The following HDHD5 variants were observed in gnomAD, a reference collection of about 807,000 sequenced individuals.
HDHD5 encodes the protein haloacid dehalogenase-like hydrolase domain-containing 5.
A neutral mutation model predicts 35.5 loss-of-function variants in HDHD5; 34 were observed. The observed-to-expected ratio is 0.96, with a 90% CI of 0.73 to 1.28. The LOEUF (loss-of-function observed/expected upper bound fraction) is 1.28. HDHD5 is among the 50% of genes most tolerant of loss of function. The probability of loss-of-function intolerance (pLI) is 0.00; values close to 1 mark genes in which losing one functional copy is unlikely to be tolerated. For missense variants in HDHD5, 589 were observed against 560.2 expected, an observed-to-expected ratio of 1.05 and a Z score of -0.52; for synonymous variants, 248 against 240.6, an observed-to-expected ratio of 1.03 and a Z score of -0.29.
At chr22:17,157,105 CACACACACAA>C (rs2061804916) in intron 1 of HDHD5, among the ~76,000 whole-genome samples, 1 of 151,192 alleles carries the variant, frequency 6.6e-6, no homozygotes, top group Non-Finnish European at 1.5e-5. Flanking sequence ...CACACACACA[CACACACACAA>C]AAGAAAAAAG....
chr22:17,138,358 C>G lies in HDHD5; in HGVS notation c.936-1G>C, dbSNP rs1407280072. 6.2e-7 allele frequency: 1 copy of G among 1,602,722 alleles called. No homozygotes were observed. Among genetic ancestry groups the G allele is most frequent in the Admixed American group, 1.7e-5 (1 of 58,054 alleles). On this transcript the variant is annotated splice_acceptor_variant, in intron 7 of 7. Coordinates refer to ENST00000336737, the MANE Select transcript of HDHD5 (RefSeq NM_033070.3). LOFTEE classifies it high-confidence loss of function. ...GTATACGTCAGACATAGGGTTATCACTGGCAGGGGCAGCCACACCGGAAAA... is the reference window on the plus strand; with the variant it reads ...GTATACGTCAGACATAGGGTTATCAGTGGCAGGGGCAGCCACACCGGAAAA...
chr22:17,157,395 A>G (rs2061810654), intron 1 of HDHD5, among the ~76,000 whole-genome samples: 1 of 151,512 alleles, frequency 6.6e-6, no homozygotes, highest in South Asian at 2.1e-4. Flanking sequence ...CCTCCCGAGT[A>G]GCTGGGATTA....
intron 5 of HDHD5, chr22:17,142,280 T>G (rs1255896704): frequency 1.3e-5 from 2 of 152,208 alleles, no homozygotes; most frequent in Non-Finnish European, 2.9e-5. Context: ...CCACCTGATA[T>G]CCTGGTATCC....
rs549511832 is a variant in HDHD5, at chr22:17,146,220, G to A, written c.444-1103C>T. On this transcript the variant is annotated intron_variant, in intron 3 of 7. Transcript: ENST00000336737. Reference sequence around the variant, plus strand: ...CTGCTTAGGAGCTTAGCCATCTCCTGGGGCTCCGCTGTACCCCTCCAAGAA... The same window carrying A: ...CTGCTTAGGAGCTTAGCCATCTCCTAGGGCTCCGCTGTACCCCTCCAAGAA... Among the ~76,000 whole-genome samples, 4 of 152,128 alleles carry A rather than the reference G, an allele frequency of 2.6e-5. No individual in the cohort carries two copies. In the East Asian group the frequency reaches 7.7e-4, roughly 29 times the overall value.
At position 17,158,899 on chromosome 22, in the gene HDHD5, G is replaced by A. The variant is rs1050465721; in HGVS notation, c.126+227C>T. The A allele has an allele frequency of 9.3e-6, 3 of 323,450 alleles. No individual in the cohort carries two copies. The East Asian group carries it at 1.5e-4, about 17-fold the overall frequency. The allele number at this position is 323,450 out of a possible 1,614,324, so 20.0% of individuals were successfully genotyped here. ...AGCAGCCTGGCCCAGGCCGTCCCACGAGCGCTCTCCCGCGGGAGTAGCGTT... is the reference window on the plus strand; with the variant it reads ...AGCAGCCTGGCCCAGGCCGTCCCACAAGCGCTCTCCCGCGGGAGTAGCGTT... On this transcript the variant is annotated intron_variant, in intron 1 of 7. Transcript: ENST00000336737.
Position 17,138,131 on chromosome 22 carries a change from G to T in HDHD5, c.1162C>A (p.His388Asn). ...LGGGEPPFHGHRDLCFSPGLM... is the reference protein window; with the variant it reads ...LGGGEPPFHGNRDLCFSPGLM... ...CCTGGACTGAAGCATAAGTCTCGGT[G>T]CCCGTGGAATGGAGGCTCCCCTCCT... The change falls in exon 8 of 8, where the codon CAC becomes AAC. Residue 388 changes from histidine to asparagine, a missense_variant. Coordinates refer to ENST00000336737, the MANE Select transcript of HDHD5 (RefSeq NM_033070.3). 2 of 1,614,168 alleles carry T rather than the reference G, an allele frequency of 1.2e-6. No homozygotes were observed. Among genetic ancestry groups the T allele is most frequent in the Non-Finnish European group, 1.7e-6 (2 of 1,180,026 alleles).
chr22:17,149,775 C>A, intron 1 of HDHD5, 30 bp from the exon 2 acceptor site: 1 of 1,595,464 alleles, frequency 6.3e-7, no homozygotes, highest in Non-Finnish European at 8.6e-7. Context: ...ATTACCAGTA[C>A]GTGAGTAACA....
At chr22:17,144,346 C>T (rs2061633460) in intron 4 of HDHD5, among the ~76,000 whole-genome samples, 1 of 151,690 alleles carries the variant, frequency 6.6e-6, no homozygotes, top group Non-Finnish European at 1.5e-5. Flanking sequence ...AACGCCTGGG[C>T]TCAAGCAACC....
chr22:17,165,114 C>G (rs1209237895), intron 1 of HDHD5: 1 of 716,090 alleles, frequency 1.4e-6, no homozygotes, highest in Non-Finnish European at 2.6e-6. Context: ...GGAAGGGATA[C>G]ATATTTCCTA....
intron 1 of HDHD5, among the ~76,000 whole-genome samples, chr22:17,150,736 C>T (rs542873102): frequency 1.9e-4 from 29 of 152,128 alleles, no homozygotes; most frequent in Non-Finnish European, 4.0e-4. Context: ...CCAGGCTGGT[C>T]TTGAACTCCT....
At chr22:17,159,669 A>G (rs1206826700), upstream of HDHD5, 9 of 325,910 alleles carry the variant, frequency 2.8e-5, no homozygotes, top group East Asian at 1.4e-3. Flanking sequence ...AGTGATGTTC[A>G]GGTCCTCTGG....
At chr22:17,156,762 C>A (rs1222912177) in intron 1 of HDHD5, among the ~76,000 whole-genome samples, 4 of 146,880 alleles carry the variant, frequency 2.7e-5, no homozygotes, top group African/African-American at 1.0e-4. Flanking sequence ...GGCAACAGAG[C>A]GAGCGAGACT....
chr22:17,153,933 G>A (rs949003923), intron 1 of HDHD5, among the ~76,000 whole-genome samples: 6 of 151,970 alleles, frequency 3.9e-5, no homozygotes, highest in Non-Finnish European at 7.4e-5. Context: ...TTGGCTCACC[G>A]CAACCTCCAT....
At chr22:17,141,320 C>A in intron 5 of HDHD5, 87 bp from the exon 6 acceptor site, 1 of 1,488,088 alleles carries the variant, frequency 6.7e-7, no homozygotes, top group Non-Finnish European at 8.9e-7. Context: ...TACCCATCCA[C>A]AAGCCCTCCA....
intron 1 of HDHD5, among the ~76,000 whole-genome samples, chr22:17,153,681 C>G (rs903221706): frequency 3.3e-5 from 5 of 152,176 alleles, no homozygotes; most frequent in African/African-American, 1.2e-4. Flanking sequence ...AGGAGAATCA[C>G]TACCTGGGCT....
upstream of HDHD5, chr22:17,159,530 C>T: frequency 4.4e-6 from 2 of 458,354 alleles, no homozygotes; most frequent in Non-Finnish European, 8.6e-6. Context: ...TCCGTACTAT[C>T]GCCCTGTGCC....
intron 1 of HDHD5, among the ~76,000 whole-genome samples, chr22:17,151,146 A>G (rs542875812): frequency 6.6e-6 from 1 of 152,356 alleles, no homozygotes; most frequent in African/African-American, 2.4e-5. Context: ...TACAATATTG[A>G]TTTTCACAAC....
upstream of HDHD5, among the ~76,000 whole-genome samples, chr22:17,162,581 G>C (rs575722930): frequency 6.6e-6 from 1 of 152,220 alleles, no homozygotes; most frequent in Non-Finnish European, 1.5e-5. Flanking sequence ...TTGTCTGTTT[G>C]TTTCGGGGAA....
At chr22:17,165,067 C>A in intron 1 of HDHD5, 1 of 672,292 alleles carries the variant, frequency 1.5e-6, no homozygotes, top group South Asian at 1.6e-5. Context: ...CTCAGTCTTG[C>A]TGAGGGAGAA....
Sources: gnomAD v4.1 joint callset for allele counts (sites outside exome capture counted in the v4.1 genomes callset) on GRCh38, gnomAD v4.1.1 for gene constraint, MANE v1.5 for transcripts, NCBI Gene and HGNC (gene_info 2026-07-23, HGNC 2026-07-21) for gene names.